The following ANO3 variants were observed in gnomAD, a reference collection of about 807,000 sequenced individuals.
The protein encoded by ANO3 is anoctamin 3, also known as anoctamin-3.
In ANO3, 99 loss-of-function variants were observed where a neutral mutation model predicts 144.8. The ratio of observed to expected loss-of-function variants is 0.68; its 90% CI spans 0.58 to 0.81. The LOEUF (loss-of-function observed/expected upper bound fraction) is 0.81, where lower values mean the gene tolerates loss of function less well. ANO3 is among the 30% of genes least tolerant of loss of function. The probability of loss-of-function intolerance (pLI) is 0.00; values close to 1 mark genes in which losing one functional copy is unlikely to be tolerated. For missense variants in ANO3, 905 were observed against 1,202.2 expected (o/e 0.75, Z 3.66); for synonymous variants, 414 against 392.6 (o/e 1.05, Z -0.64).
At chr11:26,371,579 G>T (rs542429393) in intron 1 of ANO3, among the ~76,000 whole-genome samples, 1 of 152,192 alleles carries the variant, frequency 6.6e-6, no homozygotes, top group Admixed American at 6.5e-5. Flanking sequence ...GGCACTCAAC[G>T]CCAGCCCATG....
intron 1 of ANO3, among the ~76,000 whole-genome samples, chr11:26,211,145 A>G (rs1193325872): frequency 6.6e-6 from 1 of 152,170 alleles, no homozygotes; most frequent in Non-Finnish European, 1.5e-5. Context: ...AATGGAAATC[A>G]TAAGAAACAG....
At chr11:26,267,086 C>T (rs1433949460) in intron 1 of ANO3, among the ~76,000 whole-genome samples, 12 of 147,408 alleles carry the variant, frequency 8.1e-5, no homozygotes, top group African/African-American at 2.5e-4. Context: ...AGCAAGATTC[C>T]GTCAAACAAA....
At chr11:26,530,729 C>T (rs1009663133) in intron 7 of ANO3, among the ~76,000 whole-genome samples, 4 of 151,880 alleles carry the variant, frequency 2.6e-5, no homozygotes, top group African/African-American at 4.8e-5. Context: ...ATTAGCTGGA[C>T]TTGGTGGCTC....
chr11:26,374,622 A>G (rs117551578), intron 1 of ANO3, among the ~76,000 whole-genome samples: 2,610 of 152,210 alleles, frequency 0.017, 45 homozygotes, highest in East Asian at 0.06. Flanking sequence ...AAATTGATGG[A>G]CTCCTATTCT....
intron 1 of ANO3, among the ~76,000 whole-genome samples, chr11:26,397,783 A>C (rs532625787): frequency 3.5e-4 from 54 of 152,204 alleles, no homozygotes; most frequent in African/African-American, 1.2e-3. Flanking sequence ...GGTATAGAAC[A>C]CAAGAACTGA....
intron 6 of ANO3, among the ~76,000 whole-genome samples, chr11:26,518,228 C>A (rs1026900063): frequency 6.6e-6 from 1 of 151,956 alleles, no homozygotes; most frequent in Non-Finnish European, 1.5e-5. Context: ...CATGCTATAA[C>A]CTTCTAAAAA....
chr11:26,612,091 C>A (rs1185510028), intron 17 of ANO3, among the ~76,000 whole-genome samples: 1 of 151,918 alleles, frequency 6.6e-6, no homozygotes, highest in Non-Finnish European at 1.5e-5. Flanking sequence ...AGAATTTGTT[C>A]CATTTGTATT....
At chr11:26,338,792 A>C (rs1855267773) in intron 1 of ANO3, among the ~76,000 whole-genome samples, 1 of 152,068 alleles carries the variant, frequency 6.6e-6, no homozygotes, top group Admixed American at 6.5e-5. Context: ...CAGTGAGACC[A>C]CGAACCCACC....
intron 1 of ANO3, among the ~76,000 whole-genome samples, chr11:26,296,687 C>A (rs981198112): frequency 2.6e-5 from 4 of 152,142 alleles, no homozygotes; most frequent in African/African-American, 9.7e-5. Context: ...TATCTCACTG[C>A]AGTGAGTAAT....
At chr11:26,385,501 G>C (rs1856699477) in intron 1 of ANO3, among the ~76,000 whole-genome samples, 1 of 152,040 alleles carries the variant, frequency 6.6e-6, no homozygotes, top group South Asian at 2.1e-4. Flanking sequence ...GCATTTTCTA[G>C]CTTCTAGAGG....
chr11:26,364,414 C>T (rs1000001685), intron 1 of ANO3, among the ~76,000 whole-genome samples: 1 of 152,146 alleles, frequency 6.6e-6, no homozygotes, highest in African/African-American at 2.4e-5. Context: ...TCTAAATCTC[C>T]CCGGGTTAGG....
intron 1 of ANO3, among the ~76,000 whole-genome samples, chr11:26,221,085 G>T (rs905721191): frequency 1.3e-5 from 2 of 152,156 alleles, no homozygotes; most frequent in African/African-American, 4.8e-5. Context: ...CTACACAGAG[G>T]GTTAGCAACA....
intron 1 of ANO3, among the ~76,000 whole-genome samples, chr11:26,398,954 G>C (rs1241299979): frequency 6.6e-6 from 1 of 152,002 alleles, no homozygotes; most frequent in South Asian, 2.1e-4. Flanking sequence ...AGTATAATTT[G>C]GGCAGGTGAT....
intron 1 of ANO3, among the ~76,000 whole-genome samples, chr11:26,207,733 A>AGTTCATAAAATGTAGAATTCAT (rs1851836520): frequency 6.6e-6 from 1 of 152,200 alleles, no homozygotes. Context: ...GATTACAGTA[A>AGTTCATAAAATGTAGAATTCAT]AACTGACCGT....
chr11:26,364,521 A>G (rs1439659754), intron 1 of ANO3, among the ~76,000 whole-genome samples: 1 of 152,226 alleles, frequency 6.6e-6, no homozygotes, highest in Non-Finnish European at 1.5e-5. Flanking sequence ...TACAGGAAGC[A>G]TGGCTTTGGA....
At chr11:26,364,482 G>A (rs1856009698) in intron 1 of ANO3, among the ~76,000 whole-genome samples, 1 of 152,196 alleles carries the variant, frequency 6.6e-6, no homozygotes, top group Middle Eastern at 3.2e-3. Flanking sequence ...AAAGAAAAGA[G>A]TTTTAATTGG....
intron 1 of ANO3, among the ~76,000 whole-genome samples, chr11:26,233,170 T>C (rs1852440042): frequency 6.6e-6 from 1 of 150,528 alleles, no homozygotes. Flanking sequence ...TGAGCCGAGA[T>C]TGCGCCACTG....
At chr11:26,558,467 A>G (rs780196279) in intron 13 of ANO3, among the ~76,000 whole-genome samples, 1 of 152,154 alleles carries the variant, frequency 6.6e-6, no homozygotes, top group Non-Finnish European at 1.5e-5. Flanking sequence ...GTATAATTTT[A>G]TGAGCTCTGT....
chr11:26,544,281 T>A (rs365863), intron 11 of ANO3, among the ~76,000 whole-genome samples: 4 of 86,992 alleles, frequency 4.6e-5, no homozygotes, highest in East Asian at 3.9e-4. Context: ...TATACACACA[T>A]ACACACACAC....
Sources: gnomAD v4.1 joint callset for allele counts (sites outside exome capture counted in the v4.1 genomes callset) on GRCh38, gnomAD v4.1.1 for gene constraint, MANE v1.5 for transcripts, NCBI Gene and HGNC (gene_info 2026-07-23, HGNC 2026-07-21) for gene names.